ALMS1: variants seen among roughly 807,000 people sequenced by gnomAD.
ALMS1 encodes the protein centrosome-associated protein ALMS1.
Under a neutral mutation model 352.2 loss-of-function variants are expected in ALMS1, and 271 were observed. The ratio of observed to expected loss-of-function variants is 0.77; its 90% CI spans 0.70 to 0.85. ALMS1 has a LOEUF of 0.85. Among genes scored for constraint, ALMS1 ranks in the 40% least tolerant of loss-of-function variants. The probability of loss-of-function intolerance (pLI) is 0.00; values close to 1 mark genes in which losing one functional copy is unlikely to be tolerated. For missense variants in ALMS1, 5,445 were observed against 4,870.7 expected (o/e 1.12, Z -3.51); for synonymous variants, 1,865 against 1,761.2 (o/e 1.06, Z -1.48).
At chr2:73,572,093 A>G (rs1035587800) in intron 15 of ALMS1, among the ~76,000 whole-genome samples, 169 bp from the exon 16 acceptor site, 1 of 152,222 alleles carries the variant, frequency 6.6e-6, no homozygotes, top group Non-Finnish European at 1.5e-5. Flanking sequence ...CAGCGAGGCT[A>G]CTAAGAACAA....
rs1279677430 is a variant in ALMS1 at position 73,449,481 on chromosome 2, C to T, written c.2954C>T (p.Pro985Leu). The part of the protein sequence containing the change: ...PRESLKMSAI[P>L]GLTDQKTVPT... The stretch of plus-strand genomic sequence containing the variant: ...GAATCTCTGAAAATGTCTGCTATTC[C>T]TGGACTGACTGACCAGAAGACTGTC... Residue 985 changes from proline (P) to leucine (L), a missense_variant, in exon 8 of 23, where the codon CCT becomes CTT. Transcript: ENST00000613296. 6 of 1,614,054 alleles carry T rather than the reference C, an allele frequency of 3.7e-6. No homozygotes were observed. The highest frequency in any genetic ancestry group is 5.1e-6 in the Non-Finnish European group (6 of 1,179,978).
At chr2:73,600,968 C>CT in intron 18 of ALMS1, 87 bp downstream of exon 18, 1 of 1,474,686 alleles carries the variant, frequency 6.8e-7, no homozygotes, top group South Asian at 1.3e-5. Context: ...CCAAGTGACT[C>CT]TATGTGGTCC....
rs1484698458 is a variant in ALMS1 at position 73,396,730 on chromosome 2, C to G, written c.324+10538C>G. On this transcript the variant is annotated intron_variant, in intron 1 of 22. Transcript: ENST00000613296. ...CGCGATCTCAGCTCACTGCAAGCTC[C>G]GCCTCCCAGGTTCATGCCATTCTTC... Among the ~76,000 whole-genome samples the G allele has an allele frequency of 1.3e-5, 2 of 151,022 alleles. 1 individual carries two copies. Among genetic ancestry groups the G allele is most frequent in the African/African-American group, 4.9e-5 (2 of 40,988 alleles).
chr2:73,545,257 T>C (rs569511028), intron 12 of ALMS1, among the ~76,000 whole-genome samples: 9 of 150,986 alleles, frequency 6.0e-5, no homozygotes, highest in Admixed American at 2.0e-4. Flanking sequence ...CTCAGCTCAC[T>C]GCAGCCTCCG....
chr2:73,442,988 G>A (rs1251216706), intron 7 of ALMS1, among the ~76,000 whole-genome samples: 1 of 152,130 alleles, frequency 6.6e-6, no homozygotes, highest in Non-Finnish European at 1.5e-5. Context: ...AGCCAAGCTA[G>A]AAACTTGTAT....
At position 73,452,806 on chromosome 2, in the gene ALMS1, T is replaced by C. The variant is rs1572937640; in HGVS notation, c.6279T>C (p.Ser2093=). The C allele has an allele frequency of 6.2e-7, 1 of 1,613,718 alleles. No homozygotes were observed. The highest frequency in any genetic ancestry group is 1.6e-4 in the Middle Eastern group (1 of 6,062). The change falls in exon 8 of 23, where the codon AGT becomes AGC. Residue 2093 remains serine, a synonymous_variant. Coordinates refer to ENST00000613296, the MANE Select transcript of ALMS1 (RefSeq NM_001378454.1). The stretch of plus-strand genomic sequence containing the variant: ...CTGGAAAACCAGTATCTCTCTCTAG[T>C]TCTTATTTTCACAGAGAGAAATCGA... The part of the protein sequence containing the change: ...VNTGKPVSLS[S]SYFHREKSNI...
intron 13 of ALMS1, 141 bp from the exon 14 acceptor site, chr2:73,557,079 A>T: frequency 9.1e-7 from 1 of 1,100,252 alleles, no homozygotes; most frequent in Non-Finnish European, 1.4e-6. Flanking sequence ...CACAGTTTTT[A>T]CACAGGTGGA....
intron 10 of ALMS1, among the ~76,000 whole-genome samples, chr2:73,503,204 C>T (rs1439864565): frequency 1.3e-5 from 2 of 151,906 alleles, no homozygotes; most frequent in East Asian, 3.9e-4. Context: ...CCCATTAACT[C>T]GTCATTTAGC....
chr2:73,532,777 T>C (rs957658950), intron 11 of ALMS1, among the ~76,000 whole-genome samples: 6 of 152,050 alleles, frequency 3.9e-5, no homozygotes, highest in Non-Finnish European at 8.8e-5. Flanking sequence ...TAATCTTCCC[T>C]CTCCTTTTCT....
At position 73,572,904 on chromosome 2, in the gene ALMS1, A is replaced by G. The variant is rs1655127860; in HGVS notation, c.11027A>G (p.Lys3676Arg). Residue 3676 changes from lysine to arginine, a missense_variant, in exon 16 of 23, where the codon AAG becomes AGG. Transcript: ENST00000613296. ...CAGCAGAGAAATAAGCTTCAGAAAA[A>G]GAAGCGGTTTAAAAGCCTAGAGAAA... is the stretch of plus-strand genomic sequence containing the variant. ...RQQQRNKLQK[K>R]KRFKSLEKSH... 1.2e-6 allele frequency: 2 copies of G among 1,614,036 alleles called. No individual in the cohort carries two copies. Among genetic ancestry groups the G allele is most frequent in the South Asian group, 2.2e-5 (2 of 91,082 alleles).
Position 73,519,774 on chromosome 2 carries a change from GA to G in ALMS1, c.9540del (p.Leu3181TyrfsTer5). 1 of 1,613,882 alleles carries G rather than the reference GA, an allele frequency of 6.2e-7. No homozygotes were observed. The highest frequency in any genetic ancestry group is 1.3e-5 in the African/African-American group (1 of 75,000). ...NPEGTPVFAD[R>X]LPEKMKTPLS... ...CTGTATTCTTTCTCTTTTTTGGTCA[GA>G]TTACCAGAGAAGATGAAGACCCCAC... On this transcript the variant is annotated frameshift_variant and splice_region_variant, in exon 11 of 23. Coordinates refer to ENST00000613296, the MANE Select transcript of ALMS1 (RefSeq NM_001378454.1). LOFTEE classifies it high-confidence loss of function.
At chr2:73,484,308 G>T (rs879924870) in intron 9 of ALMS1, among the ~76,000 whole-genome samples, 3 of 151,222 alleles carry the variant, frequency 2.0e-5, no homozygotes, top group South Asian at 2.1e-4. Flanking sequence ...GTCTGTAAAG[G>T]ATTTTATTTC....
At chr2:73,390,258 A>G (rs1409406778) in intron 1 of ALMS1, among the ~76,000 whole-genome samples, 1 of 152,188 alleles carries the variant, frequency 6.6e-6, no homozygotes, top group East Asian at 1.9e-4. Context: ...TTAAGGAAAA[A>G]ATGCTTAGTA....
At chr2:73,538,826 G>A (rs1189066088) in intron 12 of ALMS1, among the ~76,000 whole-genome samples, 8 of 152,200 alleles carry the variant, frequency 5.3e-5, no homozygotes, top group African/African-American at 9.7e-5. Flanking sequence ...AGGCGGCAGC[G>A]AGGCTGGGGG....
chr2:73,499,237 A>G (rs918513087), intron 10 of ALMS1, among the ~76,000 whole-genome samples: 2 of 152,080 alleles, frequency 1.3e-5, no homozygotes, highest in Non-Finnish European at 2.9e-5. Flanking sequence ...CTCTTTATGT[A>G]TTCTGGTTAT....
chr2:73,386,290 G>A, intron 1 of ALMS1, 98 bp downstream of exon 1: 1 of 1,403,508 alleles, frequency 7.1e-7, no homozygotes, highest in Non-Finnish European at 9.3e-7. Context: ...CCGCCTGACG[G>A]AGAAAACGCG....
chr2:73,432,763 AG>A (rs1469820393), intron 7 of ALMS1, among the ~76,000 whole-genome samples: 1 of 152,126 alleles, frequency 6.6e-6, no homozygotes, highest in African/African-American at 2.4e-5. Flanking sequence ...TATACTTTTC[AG>A]GGGGGACACA....
chr2:73,545,319 T>C (rs1456233737), intron 12 of ALMS1, among the ~76,000 whole-genome samples: 1 of 151,934 alleles, frequency 6.6e-6, no homozygotes, highest in Non-Finnish European at 1.5e-5. Flanking sequence ...TAGCTGGGAT[T>C]ATAGGCACCC....
intron 1 of ALMS1, among the ~76,000 whole-genome samples, chr2:73,390,465 TA>T: frequency 6.6e-6 from 1 of 152,384 alleles, no homozygotes; most frequent in South Asian, 2.1e-4. Flanking sequence ...ATAGTGGTGT[TA>T]TATAAGGCAG....
Sources: gnomAD v4.1 joint callset for allele counts (sites outside exome capture counted in the v4.1 genomes callset) on GRCh38, gnomAD v4.1.1 for gene constraint, MANE v1.5 for transcripts, NCBI Gene and HGNC (gene_info 2026-07-23, HGNC 2026-07-21) for gene names.